The following MAGI2 variants were observed in gnomAD, a reference collection of about 807,000 sequenced individuals.
The protein encoded by MAGI2 is membrane-associated guanylate kinase, WW and PDZ domain-containing protein 2.
MAGI2 carries 35 observed loss-of-function variants against 133.3 expected under a neutral mutation model. That is an observed-to-expected ratio of 0.26 (90% confidence interval 0.20 to 0.35). The LOEUF (loss-of-function observed/expected upper bound fraction) is 0.35, where lower values mean the gene tolerates loss of function less well. MAGI2 is among the 10% of genes least tolerant of loss of function. The pLI is 1.00. For synonymous variants in MAGI2, 729 were observed against 710.6 expected (o/e 1.03, Z -0.41); for missense variants, 1,636 against 1,863.4 (o/e 0.88, Z 2.25).
At chr7:78,865,609 A>G (rs1475994219) in intron 2 of MAGI2, among the ~76,000 whole-genome samples, 2 of 152,236 alleles carry the variant, frequency 1.3e-5, no homozygotes, top group African/African-American at 4.8e-5. Context: ...ATGGAGACTT[A>G]GAGGGATGTA....
chr7:78,668,085 C>T (rs1813854969), intron 2 of MAGI2, among the ~76,000 whole-genome samples: 1 of 152,278 alleles, frequency 6.6e-6, no homozygotes, highest in Admixed American at 6.5e-5. Flanking sequence ...GATTGCCATT[C>T]TAACTGGTGT....
intron 3 of MAGI2, among the ~76,000 whole-genome samples, chr7:78,590,980 G>C (rs1046413030): frequency 6.6e-6 from 1 of 152,140 alleles, no homozygotes; most frequent in African/African-American, 2.4e-5. Flanking sequence ...GTCTCTGTCA[G>C]AGACTCCTCC....
chr7:78,283,328 T>C (rs2151018416), intron 9 of MAGI2, among the ~76,000 whole-genome samples: 1 of 152,252 alleles, frequency 6.6e-6, no homozygotes, highest in African/African-American at 2.4e-5. Flanking sequence ...GACAGTCTGT[T>C]GTTTCCAAGA....
intron 1 of MAGI2, among the ~76,000 whole-genome samples, chr7:79,071,994 G>T (rs908609564): frequency 2.0e-5 from 3 of 152,122 alleles, no homozygotes; most frequent in African/African-American, 7.2e-5. Flanking sequence ...GGGCTAGAGT[G>T]CACTGTTCCT....
At chr7:79,344,170 A>T (rs1026443009) in intron 1 of MAGI2, among the ~76,000 whole-genome samples, 29 of 151,778 alleles carry the variant, frequency 1.9e-4, no homozygotes, top group African/African-American at 7.0e-4. Context: ...ATGGATGCTC[A>T]ACAATTTAAA....
chr7:78,390,297 T>C (rs1012176009), intron 6 of MAGI2, among the ~76,000 whole-genome samples: 1 of 152,102 alleles, frequency 6.6e-6, no homozygotes, highest in African/African-American at 2.4e-5. Context: ...ATGGAAGAGA[T>C]TTTCAGATAT....
At chr7:78,623,906 C>T (rs1432556002) in intron 3 of MAGI2, among the ~76,000 whole-genome samples, 2 of 152,080 alleles carry the variant, frequency 1.3e-5, no homozygotes, top group African/African-American at 4.8e-5. Flanking sequence ...TAGTGCAATG[C>T]ATCACTCATT....
intron 2 of MAGI2, among the ~76,000 whole-genome samples, chr7:78,675,339 A>C (rs944622610): frequency 6.6e-6 from 1 of 152,008 alleles, no homozygotes; most frequent in African/African-American, 2.4e-5. Context: ...AAGGTAAGAA[A>C]GTTAATGATA....
At chr7:79,243,903 G>A (rs1832620826) in intron 1 of MAGI2, among the ~76,000 whole-genome samples, 2 of 152,150 alleles carry the variant, frequency 1.3e-5, no homozygotes, top group Admixed American at 1.3e-4. Flanking sequence ...ACTCCATGGT[G>A]TCTAAAACTT....
chr7:79,085,754 G>A (rs1279155655), intron 1 of MAGI2, among the ~76,000 whole-genome samples: 2 of 151,790 alleles, frequency 1.3e-5, no homozygotes, highest in African/African-American at 2.4e-5. Flanking sequence ...GGCTGCTAAC[G>A]ACTCTGATCA....
At chr7:78,944,331 G>A (rs1034594179) in intron 2 of MAGI2, among the ~76,000 whole-genome samples, 1 of 152,046 alleles carries the variant, frequency 6.6e-6, no homozygotes, top group Non-Finnish European at 1.5e-5. Context: ...TTCAGTGGCT[G>A]CCCCTCATTG....
At chr7:78,112,356 T>C (rs908442148) in intron 20 of MAGI2, among the ~76,000 whole-genome samples, 6 of 152,248 alleles carry the variant, frequency 3.9e-5, no homozygotes, top group African/African-American at 1.4e-4. Context: ...AGTCTTGGAA[T>C]GTCACCTAGT....
chr7:78,257,698 A>G (rs373670601), intron 9 of MAGI2, among the ~76,000 whole-genome samples: 10 of 152,164 alleles, frequency 6.6e-5, no homozygotes, highest in East Asian at 3.9e-4. Flanking sequence ...TTTATCATGG[A>G]TTGGTATTTT....
chr7:78,617,797 T>C (rs1468903390), intron 3 of MAGI2: 1 of 152,012 alleles, frequency 6.6e-6, no homozygotes, highest in Non-Finnish European at 1.5e-5. Context: ...TGTCGTAACT[T>C]GGTTGGATAT....
chr7:78,304,640 T>A (rs947442138), intron 9 of MAGI2, among the ~76,000 whole-genome samples: 3 of 152,182 alleles, frequency 2.0e-5, no homozygotes, highest in Non-Finnish European at 4.4e-5. Context: ...GTGCTTACTT[T>A]CCACTTGAGA....
At chr7:79,081,647 C>T (rs890444562) in intron 1 of MAGI2, among the ~76,000 whole-genome samples, 1 of 152,074 alleles carries the variant, frequency 6.6e-6, no homozygotes, top group Non-Finnish European at 1.5e-5. Context: ...AGAAAATAAA[C>T]AAGCTAAGAG....
chr7:78,482,369 A>G (rs542341244), intron 6 of MAGI2, among the ~76,000 whole-genome samples: 5 of 151,934 alleles, frequency 3.3e-5, no homozygotes, highest in Non-Finnish European at 5.9e-5. Flanking sequence ...AAACGCACTT[A>G]GTATATAATC....
intron 1 of MAGI2, among the ~76,000 whole-genome samples, chr7:79,256,782 C>T (rs373108497): frequency 3.3e-5 from 5 of 152,104 alleles, no homozygotes; most frequent in Admixed American, 6.6e-5. Flanking sequence ...TGAGCCACCA[C>T]GCCCCGCAAA....
intron 1 of MAGI2, among the ~76,000 whole-genome samples, chr7:79,161,481 T>A (rs187007488): frequency 1.3e-5 from 2 of 152,102 alleles, no homozygotes; most frequent in African/African-American, 2.4e-5. Context: ...TATCCGAAGC[T>A]ACCCCTATGC....
Sources: allele counts gnomAD v4.1 joint callset (sites outside exome capture counted in the v4.1 genomes callset), GRCh38; gene constraint gnomAD v4.1.1; transcripts MANE v1.5; gene names NCBI Gene and HGNC (gene_info 2026-07-23, HGNC 2026-07-21).